SEMA5A: variants seen among roughly 807,000 people sequenced by gnomAD.
SEMA5A encodes semaphorin 5A, also known as semaphorin-5A.
In SEMA5A, 55 loss-of-function variants were observed where a neutral mutation model predicts 135.5. That is an observed-to-expected ratio of 0.41 (90% confidence interval 0.33 to 0.51). SEMA5A has a LOEUF of 0.51. Ranked by LOEUF, SEMA5A falls within the 20% of genes least tolerant of loss-of-function variation. SEMA5A has a pLI of 0.37. For synonymous variants in SEMA5A, 580 were observed against 546.5 expected, an observed-to-expected ratio of 1.06 and a Z score of -0.85; for missense variants, 1,290 against 1,419.9, an observed-to-expected ratio of 0.91 and a Z score of 1.47.
intron 10 of SEMA5A, among the ~76,000 whole-genome samples, chr5:9,191,446 T>C (rs1745107728): frequency 6.6e-6 from 1 of 152,198 alleles, no homozygotes; most frequent in South Asian, 2.1e-4. Flanking sequence ...TTTCATAAAC[T>C]TTAATTCCTG....
chr5:9,386,362 A>T (rs1755890185), intron 2 of SEMA5A, among the ~76,000 whole-genome samples: 1 of 152,136 alleles, frequency 6.6e-6, no homozygotes, highest in South Asian at 2.1e-4. Flanking sequence ...CTCAGTATTC[A>T]GCTTCTGCCT....
intron 18 of SEMA5A, among the ~76,000 whole-genome samples, chr5:9,058,122 T>A (rs1736991869): frequency 6.6e-6 from 1 of 152,070 alleles, no homozygotes; most frequent in Non-Finnish European, 1.5e-5. Flanking sequence ...AAAATAGATT[T>A]TTTTCCCCTG....
chr5:9,105,828 T>C (rs1739884071), intron 16 of SEMA5A, among the ~76,000 whole-genome samples: 1 of 152,228 alleles, frequency 6.6e-6, no homozygotes, highest in Non-Finnish European at 1.5e-5. Flanking sequence ...ACCGAACCCT[T>C]TGTGGACAAA....
chr5:9,119,242 C>T (rs1160131099), intron 14 of SEMA5A, 101 bp from the exon 15 acceptor site: 1 of 1,409,350 alleles, frequency 7.1e-7, no homozygotes, highest in South Asian at 1.2e-5. Flanking sequence ...AGGAGGATCA[C>T]GCTTGGGGCT....
chr5:9,089,290 C>T (rs1240416711), intron 16 of SEMA5A, among the ~76,000 whole-genome samples: 1 of 152,184 alleles, frequency 6.6e-6, no homozygotes, highest in Non-Finnish European at 1.5e-5. Flanking sequence ...TGTTTCATAA[C>T]TTTTGTTCAA....
chr5:9,392,437 C>T (rs1561215231), intron 2 of SEMA5A, among the ~76,000 whole-genome samples: 1 of 151,798 alleles, frequency 6.6e-6, no homozygotes, highest in Non-Finnish European at 1.5e-5. Flanking sequence ...TCATAAGATA[C>T]AGGTATATTC....
chr5:9,256,777 G>A lies in SEMA5A; in HGVS notation c.271-18887C>T, dbSNP rs76123000. Among the ~76,000 whole-genome samples, 1,264 of 152,320 alleles carry A rather than the reference G, an allele frequency of 8.3e-3. 15 individuals are homozygous for A. The highest frequency in any genetic ancestry group is 0.029 in the African/African-American group (1,217 of 41,576). On this transcript the variant is annotated intron_variant, in intron 5 of 22. Coordinates refer to ENST00000382496, the MANE Select transcript of SEMA5A (RefSeq NM_003966.3). ...AAGGAATAATCTAGGAGTTTGAAAT[G>A]AGTTTACTTTTGCAAACTTCTGTCT...
chr5:9,268,446 C>T (rs964783466), intron 5 of SEMA5A, among the ~76,000 whole-genome samples: 1 of 152,116 alleles, frequency 6.6e-6, no homozygotes, highest in African/African-American at 2.4e-5. Flanking sequence ...CGTCATGAGA[C>T]TCCCAGGGAA....
chr5:9,455,257 ATTTT>A lies in SEMA5A; in HGVS notation c.-174-17409_-174-17406del, dbSNP rs5865834. 6.7e-3 allele frequency among the ~76,000 whole-genome samples: 994 copies of A among 148,960 alleles called. 13 individuals are homozygous for A. The highest frequency in any genetic ancestry group is 0.023 in the African/African-American group (934 of 40,038). The stretch of plus-strand genomic sequence containing the variant: ...TTATTTTATTTTATTTTATTTATTT[ATTTT>A]TTTTTTTTTTTTGAGACAGAATCTC... On this transcript the variant is annotated intron_variant, in intron 1 of 22. Coordinates refer to ENST00000382496, the MANE Select transcript of SEMA5A (RefSeq NM_003966.3).
At chr5:9,453,372 T>A (rs1027525479) in intron 1 of SEMA5A, among the ~76,000 whole-genome samples, 1 of 152,168 alleles carries the variant, frequency 6.6e-6, no homozygotes, top group East Asian at 1.9e-4. Context: ...TGAAAATAAG[T>A]GCCACATCCT....
At chr5:9,441,689 T>A (rs181426655) in intron 1 of SEMA5A, among the ~76,000 whole-genome samples, 1 of 152,216 alleles carries the variant, frequency 6.6e-6, no homozygotes, top group African/African-American at 2.4e-5. Flanking sequence ...GGATTCCAGG[T>A]GGCAGGCCAA....
At chr5:9,441,431 G>A (rs1162445349) in intron 1 of SEMA5A, among the ~76,000 whole-genome samples, 1 of 152,052 alleles carries the variant, frequency 6.6e-6, no homozygotes, top group Admixed American at 6.5e-5. Flanking sequence ...TAAGAGAAGA[G>A]CCATTTACGC....
At chr5:9,361,854 C>A (rs1180955163) in intron 3 of SEMA5A, among the ~76,000 whole-genome samples, 1 of 152,152 alleles carries the variant, frequency 6.6e-6, no homozygotes, top group Non-Finnish European at 1.5e-5. Context: ...TACCCTTTGA[C>A]TTGAGTTCAC....
At chr5:9,442,595 G>C (rs268530) in intron 1 of SEMA5A, among the ~76,000 whole-genome samples, 143,903 of 152,242 alleles carry the variant, frequency 0.95, 68,217 homozygotes, top group African/African-American at 0.98. Flanking sequence ...ATGGCAAACA[G>C]GGTCAGGGGG....
Position 9,469,830 on chromosome 5 carries a change from T to C in SEMA5A, c.-174-31978A>G, listed in dbSNP as rs528891293. ...CATTAAAAGCATTTTGTAAGAACCT[T>C]GGGTATTTGGAGTACTTTTACTTAA... is the stretch of plus-strand genomic sequence containing the variant. On this transcript the variant is annotated intron_variant, in intron 1 of 22. Transcript: ENST00000382496. Among the ~76,000 whole-genome samples, 10 of 152,298 alleles carry C rather than the reference T, an allele frequency of 6.6e-5. 1 individual carries two copies. The South Asian group carries it at 1.2e-3, about 19-fold the overall frequency.
chr5:9,086,512 C>G (rs1409512230), intron 16 of SEMA5A, among the ~76,000 whole-genome samples: 2 of 152,118 alleles, frequency 1.3e-5, no homozygotes, highest in Non-Finnish European at 2.9e-5. Flanking sequence ...TTGAGATGTG[C>G]CTTTCACCTT....
At chr5:9,398,249 C>T (rs1756488939) in intron 2 of SEMA5A, among the ~76,000 whole-genome samples, 1 of 152,180 alleles carries the variant, frequency 6.6e-6, no homozygotes, top group African/African-American at 2.4e-5. Flanking sequence ...AAATATGACA[C>T]TGGTGTGGCA....
chr5:9,329,772 C>A (rs1753037059), intron 4 of SEMA5A, among the ~76,000 whole-genome samples: 1 of 152,136 alleles, frequency 6.6e-6, no homozygotes. Context: ...CCCTTGGTAT[C>A]CCCAGAGCAT....
intron 12 of SEMA5A, among the ~76,000 whole-genome samples, chr5:9,151,140 A>G (rs1454890449): frequency 6.6e-6 from 1 of 152,234 alleles, no homozygotes; most frequent in East Asian, 1.9e-4. Flanking sequence ...TAATCCCGCC[A>G]AATTCTCACA....
Sources: gnomAD v4.1 joint callset for allele counts (sites outside exome capture counted in the v4.1 genomes callset) on GRCh38, gnomAD v4.1.1 for gene constraint, MANE v1.5 for transcripts, NCBI Gene and HGNC (gene_info 2026-07-23, HGNC 2026-07-21) for gene names.